STMP1: variants seen among roughly 807,000 people sequenced by gnomAD.
The protein encoded by STMP1 is short transmembrane mitochondrial protein 1.
Under a neutral mutation model 7.0 loss-of-function variants are expected in STMP1, and 7 were observed. The ratio of observed to expected loss-of-function variants is 1.01; its 90% confidence interval spans 0.57 to 1.89. STMP1 has a LOEUF of 1.89. Among genes scored for constraint, STMP1 ranks in the 40% most tolerant of loss-of-function variants. STMP1 has a pLI of 0.00. For synonymous variants in STMP1, 19 were observed against 18.4 expected (o/e 1.03, Z -0.08); for missense variants, 45 against 53.0 (o/e 0.85, Z 0.47).
At chr7:135,665,994 T>A (rs559389213) in intron 1 of STMP1, among the ~76,000 whole-genome samples, 3 of 151,622 alleles carry the variant, frequency 2.0e-5, no homozygotes, top group East Asian at 2.0e-4. Flanking sequence ...CTCCGCCTCC[T>A]GGGTTCAAGC....
At position 135,662,515 on chromosome 7, in the gene STMP1, G is replaced by A. The variant is rs1331122730; in HGVS notation, c.-65G>A. ...CGCCCCCCCCGCGCATGGGGAGGTA[G>A]GCTCGGACCGGCCCGCGGAGCTGCT... On this transcript the variant is annotated 5_prime_UTR_variant, in exon 1 of 3. Coordinates refer to ENST00000507606, the MANE Select transcript of STMP1 (RefSeq NM_001130929.2). 4.6e-6 allele frequency: 7 copies of A among 1,515,650 alleles called. No individual in the cohort carries two copies. Among genetic ancestry groups the A allele is most frequent in the Non-Finnish European group, 6.2e-6 (7 of 1,126,048 alleles). 93.9% of individuals were successfully genotyped at this position (1,515,650 alleles called of 1,614,324 possible). A position where few individuals can be genotyped will look rare whatever the true frequency, so the allele number is the denominator to read the frequency against.
chr7:135,664,433 C>G (rs1301616167), intron 1 of STMP1, among the ~76,000 whole-genome samples: 1 of 143,352 alleles, frequency 7.0e-6, no homozygotes, highest in Admixed American at 7.5e-5. Context: ...TCAGTGCAGT[C>G]TTTAATTCCT....
rs1584708236 is a variant in STMP1, at chr7:135,675,970, G to A, written c.*1805G>A. Reference sequence around the variant, plus strand: ...GACAGAGTCTCACTCTGCTGCCCAGGCTGGAGTGCAGTGGCACAGTCTTGG... The same window carrying A: ...GACAGAGTCTCACTCTGCTGCCCAGACTGGAGTGCAGTGGCACAGTCTTGG... On this transcript the variant is annotated 3_prime_UTR_variant, in exon 3 of 3. Transcript: ENST00000507606. The A allele has an allele frequency of 6.7e-6, 1 of 148,302 alleles. No individual in the cohort carries two copies. The highest frequency in any genetic ancestry group is 1.5e-5 in the Non-Finnish European group (1 of 67,464). The allele number at this position is 148,302 out of a possible 1,614,324, so 9.2% of individuals were successfully genotyped here.
At chr7:135,664,928 C>T (rs1452495703) in intron 1 of STMP1, among the ~76,000 whole-genome samples, 3 of 152,172 alleles carry the variant, frequency 2.0e-5, no homozygotes, top group Non-Finnish European at 4.4e-5. Flanking sequence ...TTGAACTCTG[C>T]CTCCCATCAT....
At chr7:135,670,633 G>T (rs536418411) in intron 1 of STMP1, among the ~76,000 whole-genome samples, 25 of 152,068 alleles carry the variant, frequency 1.6e-4, no homozygotes, top group Admixed American at 3.3e-4. Context: ...TGGTAGATCC[G>T]GTAGTATTCT....
chr7:135,673,460 G>A (rs1795376445), intron 2 of STMP1, among the ~76,000 whole-genome samples: 1 of 152,044 alleles, frequency 6.6e-6, no homozygotes, highest in Non-Finnish European at 1.5e-5. Flanking sequence ...GTCAACCTTC[G>A]TTTGAGTCAT....
At chr7:135,672,400 G>C (rs574197990) in intron 1 of STMP1, among the ~76,000 whole-genome samples, 4 of 152,362 alleles carry the variant, frequency 2.6e-5, no homozygotes, top group African/African-American at 9.6e-5. Flanking sequence ...ACTTTGGCTT[G>C]AGTTTCCAGG....
At chr7:135,665,192 A>T (rs1469077428) in intron 1 of STMP1, among the ~76,000 whole-genome samples, 1 of 152,130 alleles carries the variant, frequency 6.6e-6, no homozygotes, top group African/African-American at 2.4e-5. Flanking sequence ...AGGTGATAGG[A>T]AAGGTTTAGA....
At chr7:135,666,855 A>G (rs1345415199) in intron 1 of STMP1, among the ~76,000 whole-genome samples, 3 of 152,154 alleles carry the variant, frequency 2.0e-5, no homozygotes, top group African/African-American at 7.2e-5. Flanking sequence ...TTGTGTGGAT[A>G]TGTATTTCAG....
At chr7:135,668,556 C>G (rs1795320284) in intron 1 of STMP1, among the ~76,000 whole-genome samples, 1 of 152,170 alleles carries the variant, frequency 6.6e-6, no homozygotes, top group South Asian at 2.1e-4. Context: ...ATGTATGCCA[C>G]CACATCCGGC....
At chr7:135,665,425 T>C (rs192806246) in intron 1 of STMP1, among the ~76,000 whole-genome samples, 132 of 152,246 alleles carry the variant, frequency 8.7e-4, no homozygotes, top group African/African-American at 2.9e-3. Flanking sequence ...TTTCCCCTTT[T>C]CTTTTACTGC....
At chr7:135,663,924 G>A (rs1795264793) in intron 1 of STMP1, among the ~76,000 whole-genome samples, 1 of 152,256 alleles carries the variant, frequency 6.6e-6, no homozygotes. Context: ...GATTACAGGC[G>A]TGAGCCTCCG....
chr7:135,672,061 C>A (rs555213378), intron 1 of STMP1, among the ~76,000 whole-genome samples: 54 of 152,294 alleles, frequency 3.5e-4, no homozygotes, highest in African/African-American at 1.3e-3. Flanking sequence ...CTCACTGTAA[C>A]CTCTGCCTCC....
chr7:135,667,212 T>C (rs555627268), intron 1 of STMP1, among the ~76,000 whole-genome samples: 3 of 152,338 alleles, frequency 2.0e-5, no homozygotes, highest in African/African-American at 4.8e-5. Context: ...TTTGTTTTAT[T>C]TTATTTATTT....
chr7:135,670,908 T>G (rs1023287972), intron 1 of STMP1, among the ~76,000 whole-genome samples: 1 of 152,240 alleles, frequency 6.6e-6, no homozygotes, highest in African/African-American at 2.4e-5. Context: ...GTTAAGTGTC[T>G]TGCTTTAGGC....
chr7:135,662,906 G>A (rs1795249799), intron 1 of STMP1, among the ~76,000 whole-genome samples: 1 of 152,250 alleles, frequency 6.6e-6, no homozygotes, highest in African/African-American at 2.4e-5. Context: ...ATTAAAGCTT[G>A]TGTGGTCCTT....
chr7:135,669,077 G>T (rs561006707), intron 1 of STMP1, among the ~76,000 whole-genome samples: 7 of 152,292 alleles, frequency 4.6e-5, no homozygotes, highest in African/African-American at 1.7e-4. Flanking sequence ...TTGTGCAGGG[G>T]AACTCCTCTT....
chr7:135,669,834 G>A (rs3112328), intron 1 of STMP1, among the ~76,000 whole-genome samples: 62,911 of 152,174 alleles, frequency 0.41, 14,081 homozygotes, highest in African/African-American at 0.58. Context: ...ATAGGCTCCT[G>A]TTAGTTCAGG....
At chr7:135,662,617 G>T (rs1345356901) in intron 1 of STMP1, 23 bp downstream of exon 1, 14 of 1,544,716 alleles carry the variant, frequency 9.1e-6, no homozygotes, top group African/African-American at 2.8e-5. Flanking sequence ...GCCGAAGAGC[G>T]GGGCCCGCTG....
Sources: gnomAD v4.1 joint callset for allele counts (sites outside exome capture counted in the v4.1 genomes callset) on GRCh38, gnomAD v4.1.1 for gene constraint, MANE v1.5 for transcripts, NCBI Gene and HGNC (gene_info 2026-07-23, HGNC 2026-07-21) for gene names.